Variants in PNPT1 observed in about 807,000 individuals in gnomAD.
PNPT1 encodes polyribonucleotide nucleotidyltransferase 1.
Under a neutral mutation model 119.5 loss-of-function variants are expected in PNPT1, and 53 were observed. The ratio of observed to expected loss-of-function variants is 0.44; its 90% confidence interval spans 0.36 to 0.56. PNPT1 has a LOEUF of 0.56. Ranked by LOEUF, PNPT1 falls within the 20% of genes least tolerant of loss-of-function variation. PNPT1 has a pLI of 0.00. For synonymous variants in PNPT1, 357 were observed against 322.1 expected (o/e 1.11, Z -1.16); for missense variants, 948 against 938.5 (o/e 1.01, Z -0.13).
Position 55,639,051 on chromosome 2 carries a change from C to T in PNPT1, c.2149-1452G>A, listed in dbSNP as rs897966384. 2.0e-5 allele frequency among the ~76,000 whole-genome samples: 3 copies of T among 152,256 alleles called. No homozygotes were observed. In the East Asian group the frequency reaches 5.8e-4, roughly 29 times the overall value. On this transcript the variant is annotated intron_variant, in intron 26 of 27. Transcript: ENST00000447944. ...TTGGCCTCCCAAAGTGCTGGGCTTACAGGCGTGAGCCACTGCACCTGGCCC... is the reference window on the plus strand; with the variant it reads ...TTGGCCTCCCAAAGTGCTGGGCTTATAGGCGTGAGCCACTGCACCTGGCCC...
rs1559097550 is a variant in PNPT1, at chr2:55,660,162, A to T, written c.1279T>A (p.Tyr427Asn). Residue 427 changes from tyrosine (Y) to asparagine (N), a missense_variant, in exon 15 of 28, where the codon TAC becomes AAC. Tyr to Asn is a moderately radical substitution (Grantham distance 143). Transcript: ENST00000447944. ...GIKDKNFMLH[Y>N]EFPPYATNEI... ...AGGAAAAAAATTCACCTTACCTCGT[A>T]GTGCAGCATGAAATTTTTATCTTTT... 6.3e-7 allele frequency: 1 copy of T among 1,590,620 alleles called. No homozygotes were observed. The highest frequency in any genetic ancestry group is 1.4e-5 in the African/African-American group (1 of 74,000).
chr2:55,644,537 CAAAT>C, intron 23 of PNPT1, 96 bp downstream of exon 23: 1 of 793,614 alleles, frequency 1.3e-6, no homozygotes, highest in African/African-American at 1.8e-5. Flanking sequence ...TCTCATTTCT[CAAAT>C]AAATATATAT....
rs773282393 is a variant in PNPT1 at position 55,647,451 on chromosome 2, C to G, written c.1498G>C (p.Val500Leu). 1 of 1,605,036 alleles carries G rather than the reference C, an allele frequency of 6.2e-7. No homozygotes were observed. The highest frequency in any genetic ancestry group is 2.2e-5 in the East Asian group (1 of 44,778). The stretch of plus-strand genomic sequence containing the variant: ...CCTGCAACAGCAGATGAAATTGGAA[C>G]CCCTATAATTGGGAAAAAGAACAAC... ...GGSLALMDSG[V>L]PISSAVAGVA... Residue 500 changes from valine (V) to leucine (L), a missense_variant and splice_region_variant, in exon 19 of 28, where the codon GTT (valine) becomes CTT (leucine). Val to Leu is a conservative substitution (Grantham distance 32). Transcript: ENST00000447944.
At chr2:55,677,405 C>A (rs1385118420) in intron 8 of PNPT1, among the ~76,000 whole-genome samples, 1 of 151,910 alleles carries the variant, frequency 6.6e-6, no homozygotes, top group Non-Finnish European at 1.5e-5. Flanking sequence ...ACCAGCCTAG[C>A]CAACATGGCA....
intron 13 of PNPT1, among the ~76,000 whole-genome samples, chr2:55,666,676 CA>C (rs889095603): frequency 1.3e-5 from 2 of 151,724 alleles, no homozygotes; most frequent in African/African-American, 4.8e-5. Flanking sequence ...CTTGTCTCTA[CA>C]AAAAAAAGTT....
rs1446586710 is a variant in PNPT1 at position 55,656,127 on chromosome 2, A to T, written c.1441+4T>A. 6.2e-7 allele frequency: 1 copy of T among 1,611,342 alleles called. No homozygotes were observed. On this transcript the variant is annotated splice_donor_region_variant and intron_variant, in intron 17 of 27. Coordinates refer to ENST00000447944, the MANE Select transcript of PNPT1 (RefSeq NM_033109.5). ...ACTATGAAAGAAGTATTTCAATACC[A>T]TACCATTTGACTCTAGGACTTCAGA... is the stretch of plus-strand genomic sequence containing the variant.
chr2:55,647,253 A>G lies in PNPT1; in HGVS notation c.1602+94T>C, dbSNP rs948711661. 4.9e-6 allele frequency: 5 copies of G among 1,019,744 alleles called. No individual in the cohort carries two copies. The East Asian group carries it at 7.9e-5, about 16-fold the overall frequency. 63.2% of individuals were successfully genotyped at this position (1,019,744 alleles called of 1,614,324 possible). ...AGCATACGCTAGGTGCAAAGTACAT[A>G]TAGTCTTCACCATTATTTGTTTTTA... On this transcript the variant is annotated intron_variant, in intron 19 of 27. Coordinates refer to ENST00000447944, the MANE Select transcript of PNPT1 (RefSeq NM_033109.5).
intron 9 of PNPT1, among the ~76,000 whole-genome samples, chr2:55,672,681 T>G (rs1696951476): frequency 6.6e-6 from 1 of 152,234 alleles, no homozygotes; most frequent in African/African-American, 2.4e-5. Flanking sequence ...AACACACTCT[T>G]TCATTTGAGA....
chr2:55,671,294 T>C, intron 11 of PNPT1, 25 bp downstream of exon 11: 2 of 1,335,438 alleles, frequency 1.5e-6, no homozygotes. Flanking sequence ...AGCAAAAAAA[T>C]AAAATAAAAT....
chr2:55,684,841 A>G (rs1158479928), intron 4 of PNPT1, 102 bp downstream of exon 4: 8 of 1,314,326 alleles, frequency 6.1e-6, no homozygotes, highest in African/African-American at 5.9e-5. Flanking sequence ...TGTTAATGCT[A>G]TGAAGGAAAA....
chr2:55,662,158 C>T lies in PNPT1; in HGVS notation c.1177-132G>A, dbSNP rs141703340. On this transcript the variant is annotated intron_variant, in intron 13 of 27. Transcript: ENST00000447944. ...ATCCTACACAAAGCTTGCCATGCTACTAACTGCATTAAACACTTATTTATT... is the reference window on the plus strand; with the variant it reads ...ATCCTACACAAAGCTTGCCATGCTATTAACTGCATTAAACACTTATTTATT... 886 of 664,230 alleles carry T rather than the reference C, an allele frequency of 1.3e-3. 4 individuals are homozygous for T. Among genetic ancestry groups the T allele is most frequent in the African/African-American group, 0.011 (571 of 53,010 alleles). The allele number at this position is 664,230 out of a possible 1,614,324, so 41.1% of individuals were successfully genotyped here. A position where few individuals can be genotyped will look rare whatever the true frequency, so the allele number is the denominator to read the frequency against.
intron 1 of PNPT1, among the ~76,000 whole-genome samples, chr2:55,691,920 CTT>C (rs1224534715): frequency 3.3e-5 from 4 of 122,616 alleles, no homozygotes; most frequent in African/African-American, 9.4e-5. Context: ...AAGTTTCACT[CTT>C]ATCACCCAGG....
In PNPT1 at chr2:55,636,871, A is replaced by AAACAAC. The variant is rs144358783; in HGVS notation, c.2197-485_2197-480dup. Among the ~76,000 whole-genome samples the AAACAAC allele has an allele frequency of 1.3e-4, 20 of 151,324 alleles. 1 individual carries two copies. Among genetic ancestry groups the AAACAAC allele is most frequent in the South Asian group, 8.3e-4 (4 of 4,806 alleles). ...AGGTTTAAAGTTCCTTCTGATGTGA[A>AAACAAC]AACAACAACAACAACAACAACAACA... On this transcript the variant is annotated intron_variant, in intron 27 of 27. Transcript: ENST00000447944.
intron 10 of PNPT1, 132 bp downstream of exon 10, chr2:55,671,863 A>T (rs1696926854): frequency 1.5e-6 from 1 of 672,002 alleles, no homozygotes; most frequent in Non-Finnish European, 2.5e-6. Flanking sequence ...AGAAACAATT[A>T]GGCTTTTGTT....
At chr2:55,688,121 G>A (rs1290159051) in intron 1 of PNPT1, among the ~76,000 whole-genome samples, 1 of 151,064 alleles carries the variant, frequency 6.6e-6, no homozygotes, top group African/African-American at 2.4e-5. Flanking sequence ...ACAGCTCACT[G>A]CAACCTAGAA....
intron 8 of PNPT1, among the ~76,000 whole-genome samples, chr2:55,677,726 G>C (rs1255798326): frequency 1.3e-5 from 2 of 150,884 alleles, no homozygotes; most frequent in Non-Finnish European, 2.9e-5. Flanking sequence ...TTACTTCTGT[G>C]TCTTTTTTGT....
chr2:55,647,353 A>G lies in PNPT1; in HGVS notation c.1596T>C (p.Asp532=), dbSNP rs1193166171. Residue 532 remains aspartate, a synonymous_variant, in exon 19 of 28, where the codon GAT becomes GAC. Coordinates refer to ENST00000447944, the MANE Select transcript of PNPT1 (RefSeq NM_033109.5). Reference sequence around the variant, plus strand: ...AAACCGAGAATATACTTGCCAAAATATCTGTCAGCAAACGATAATCTTCTA... The same window carrying G: ...AAACCGAGAATATACTTGCCAAAATGTCTGTCAGCAAACGATAATCTTCTA... ...GEIEDYRLLT[D]ILGIEDYNGD... 2.5e-6 allele frequency: 4 copies of G among 1,603,532 alleles called. No homozygotes were observed. Among genetic ancestry groups the G allele is most frequent in the East Asian group, 4.5e-5 (2 of 44,702 alleles).
chr2:55,681,190 T>G (rs1292461953), intron 5 of PNPT1, among the ~76,000 whole-genome samples: 1 of 151,966 alleles, frequency 6.6e-6, no homozygotes, highest in African/African-American at 2.4e-5. Flanking sequence ...GCGGATCACC[T>G]GAGGTCAAGA....
intron 13 of PNPT1, among the ~76,000 whole-genome samples, chr2:55,666,226 C>T (rs1696725506): frequency 6.6e-6 from 1 of 152,150 alleles, no homozygotes; most frequent in African/African-American, 2.4e-5. Context: ...TGAGGAAACT[C>T]TTGGAGGTAA....
Sources: gnomAD v4.1 joint callset for allele counts (sites outside exome capture counted in the v4.1 genomes callset) on GRCh38, gnomAD v4.1.1 for gene constraint, MANE v1.5 for transcripts, NCBI Gene and HGNC (gene_info 2026-07-23, HGNC 2026-07-21) for gene names.